TASOR2: variants seen among roughly 807,000 people sequenced by gnomAD.
TASOR2 encodes transcription activation suppressor family member 2, also known as protein TASOR 2.
In TASOR2, 84 loss-of-function variants were observed where a neutral mutation model predicts 199.5. The observed-to-expected ratio is 0.42, with a 90% CI of 0.35 to 0.50. TASOR2 has a LOEUF of 0.50. TASOR2 is among the 20% of genes least tolerant of loss of function. TASOR2 has a pLI of 0.02. For synonymous variants in TASOR2, 1,103 were observed against 1,046.6 expected (o/e 1.05, Z -1.04); for missense variants, 2,796 against 2,835.9 (o/e 0.99, Z 0.32).
chr10:5,725,040 C>T (rs1833871252), intron 8 of TASOR2, among the ~76,000 whole-genome samples: 1 of 152,092 alleles, frequency 6.6e-6, no homozygotes, highest in Non-Finnish European at 1.5e-5. Context: ...GTGGTGCAGG[C>T]ATTATGAAGT....
In TASOR2 at chr10:5,752,611, C is replaced by G. The variant is rs374690158; in HGVS notation, c.6606+2584C>G. On this transcript the variant is annotated intron_variant, in intron 15 of 20. Coordinates refer to ENST00000328090, the Ensembl canonical transcript of TASOR2. This position sits in a 1 kb window ranked among gnomAD's most constrained non-coding sequence, Gnocchi z 4.4. ...ACGAGTTACTTAGTAATGAAGGACA[C>G]GTGTCCCTTATTGTCACAGTGTCCC... 6.6e-6 allele frequency among the ~76,000 whole-genome samples: 1 copy of G among 152,222 alleles called. No homozygotes were observed. The highest frequency in any genetic ancestry group is 2.4e-5 in the African/African-American group (1 of 41,454).
At chr10:5,749,642 G>A (rs747302935) in exon 15 of TASOR2, 1 of 1,614,162 alleles carries the variant, frequency 6.2e-7, no homozygotes, top group South Asian at 1.1e-5. Flanking sequence ...GAGAGATGTA[G>A]TCATAATAGA....
rs376441316 is a variant in TASOR2 at position 5,746,942 on chromosome 10, G to T, written c.3521G>T (p.Ser1174Ile). The change falls in exon 15 of 21, where the codon AGT becomes ATT. Residue 1174 changes from serine to isoleucine, a missense_variant. By Grantham distance (142) the Ser-to-Ile change is moderately radical. This residue lies in a region of TASOR2 where 1,941 missense variants were observed against 1,924.9 expected (regional missense o/e 1.01). Coordinates refer to ENST00000328090, the Ensembl canonical transcript of TASOR2. ...AAAAGTTCTAGTCATCTATCACCCA[G>T]TGAAGAAGTGAGATGCACTCAGGAT... 1.9e-5 allele frequency: 31 copies of T among 1,614,094 alleles called. No individual in the cohort carries two copies. The African/African-American group carries it at 3.6e-4, about 19-fold the overall frequency.
intron 11 of TASOR2, among the ~76,000 whole-genome samples, chr10:5,732,963 C>CTT (rs1835037660): frequency 6.6e-6 from 1 of 152,142 alleles, no homozygotes; most frequent in Non-Finnish European, 1.5e-5. Flanking sequence ...GTGCACCAGA[C>CTT]TATACAACTA....
Position 5,747,113 on chromosome 10 carries a change from C to G in TASOR2, c.3692C>G (p.Ser1231Ter). Residue 1231 changes from serine (S) to a stop codon, truncating the protein, a stop_gained, in exon 15 of 21, where the codon TCA (serine) becomes TGA (stop). Transcript: ENST00000328090. LOFTEE classifies it high-confidence loss of function. ...TGCATTTCGTCAGGATGCCACACATCAGGTGACTCTTTAGAACTAAGGAAG... is the reference window on the plus strand; with the variant it reads ...TGCATTTCGTCAGGATGCCACACATGAGGTGACTCTTTAGAACTAAGGAAG... 2 of 1,614,124 alleles carry G rather than the reference C, an allele frequency of 1.2e-6. No individual in the cohort carries two copies. Among genetic ancestry groups the G allele is most frequent in the Non-Finnish European group, 8.5e-7 (1 of 1,180,032 alleles).
chr10:5,749,092 A>G (rs1837620834), exon 15 of TASOR2: 9 of 1,614,072 alleles, frequency 5.6e-6, no homozygotes, highest in Non-Finnish European at 6.8e-6. Context: ...AGGCATGGAG[A>G]CGAGCCTCCC....
At chr10:5,713,870 G>A (rs561644420) in intron 2 of TASOR2, 16 of 243,678 alleles carry the variant, frequency 6.6e-5, no homozygotes, top group Non-Finnish European at 1.2e-4. Context: ...TTTGTGCCCC[G>A]AATACCTACA....
intron 1 of TASOR2, among the ~76,000 whole-genome samples, chr10:5,693,807 C>T (rs1038104549): frequency 6.6e-6 from 1 of 152,190 alleles, no homozygotes; most frequent in Non-Finnish European, 1.5e-5. Context: ...TTGTCCCATC[C>T]AAAGATAACT....
exon 15 of TASOR2, chr10:5,746,893 G>A (rs1333474265): frequency 6.2e-7 from 1 of 1,614,074 alleles, no homozygotes; most frequent in Non-Finnish European, 8.5e-7. Context: ...TAAAACAATG[G>A]TCATGGAGGC....
chr10:5,724,648 G>GATAGATAGATAGAT (rs1554764653), intron 8 of TASOR2, 115 bp downstream of exon 9: 239 of 187,462 alleles, frequency 1.3e-3, no homozygotes, highest in Middle Eastern at 5.2e-3. Context: ...TAGATAGATA[G>GATAGATAGATAGAT]ATAGATATAG....
At chr10:5,743,598 T>A (rs1264920457) in intron 14 of TASOR2, among the ~76,000 whole-genome samples, 1 of 152,196 alleles carries the variant, frequency 6.6e-6, no homozygotes, top group Non-Finnish European at 1.5e-5. Context: ...AAGATGGGGT[T>A]CAGCAGTTCC....
Position 5,748,293 on chromosome 10 carries a change from A to G in TASOR2, c.4872A>G (p.Lys1624=). ...ACCATCTCTTTCCCGGTGATTTGAA[A>G]ACAGATGAAGGCATTTATCTGCAGG... The change falls in exon 15 of 21, where the codon AAA becomes AAG. Residue 1624 remains lysine, a synonymous_variant. Coordinates refer to ENST00000328090, the Ensembl canonical transcript of TASOR2. The surrounding 1 kb of genome is among the most constrained non-coding windows in gnomAD (Gnocchi z 5.1). 1.2e-6 allele frequency: 2 copies of G among 1,614,192 alleles called. No individual in the cohort carries two copies. The highest frequency in any genetic ancestry group is 2.2e-5 in the South Asian group (2 of 91,080).
At chr10:5,757,766 A>G (rs532919610) in intron 17 of TASOR2, 93 bp downstream of exon 18, 1 of 1,373,012 alleles carries the variant, frequency 7.3e-7, no homozygotes, top group East Asian at 2.3e-5. Context: ...GAAATGATCA[A>G]CTCTAAGGAA....
Position 5,762,850 on chromosome 10 carries a change from T to C in TASOR2, c.7290-179T>C, listed in dbSNP as rs1840097029. On this transcript the variant is annotated intron_variant, in intron 20 of 20. Transcript: ENST00000328090. ...ATCACTAAATGAAGTAACCATCTAC[T>C]AAAATTACCTATTTTATCTAATGTG... 3 of 646,648 alleles carry C rather than the reference T, an allele frequency of 4.6e-6. No individual in the cohort carries two copies. In the South Asian group the frequency reaches 6.4e-5, roughly 14 times the overall value. 40.1% of individuals were successfully genotyped at this position (646,648 alleles called of 1,614,324 possible).
chr10:5,731,268 G>A, intron 11 of TASOR2, 65 bp downstream of exon 12: 1 of 1,474,490 alleles, frequency 6.8e-7, no homozygotes, highest in South Asian at 1.3e-5. Flanking sequence ...GGTGGCTCAT[G>A]CCTGTAATCC....
intron 14 of TASOR2, 117 bp from the exon 16 acceptor site, chr10:5,746,062 G>C: frequency 5.1e-6 from 6 of 1,182,488 alleles, no homozygotes; most frequent in Non-Finnish European, 6.8e-6. Flanking sequence ...AAATTCAGAA[G>C]AACATTCACA....
rs1214712179 is a variant in TASOR2 at position 5,749,218 on chromosome 10, G to T, written c.5797G>T (p.Glu1933Ter). ...TTACGCCAACTTCTCTATAACAAAA[G>T]AACTCAAAGATACCATGAGAACTTC... Residue 1933 changes from glutamate to a stop codon, truncating the protein, a stop_gained, in exon 15 of 21, where the codon GAA becomes TAA. Transcript: ENST00000328090. LOFTEE classifies it high-confidence loss of function. 1 of 1,613,970 alleles carries T rather than the reference G, an allele frequency of 6.2e-7. No individual in the cohort carries two copies. Among genetic ancestry groups the T allele is most frequent in the African/African-American group, 1.3e-5 (1 of 74,908 alleles).
At chr10:5,746,544 T>C (rs772460451) in exon 15 of TASOR2, 1 of 1,614,016 alleles carries the variant, frequency 6.2e-7, no homozygotes, top group Non-Finnish European at 8.5e-7. Flanking sequence ...AGGATGATAA[T>C]ATGGGGTGTG....
intron 1 of TASOR2, chr10:5,692,854 G>C (rs1398817287): frequency 6.6e-6 from 1 of 152,338 alleles, no homozygotes; most frequent in African/African-American, 2.4e-5. Flanking sequence ...CTTGGCTGGC[G>C]GGAGGGGGCC....
Sources: allele counts gnomAD v4.1 joint callset (sites outside exome capture counted in the v4.1 genomes callset), GRCh38; gene constraint gnomAD v4.1.1; regional missense constraint gnomAD v4.1.1; non-coding constraint Gnocchi (gnomAD v3.1); transcripts MANE v1.5; gene names NCBI Gene and HGNC (gene_info 2026-07-23, HGNC 2026-07-21).